CCDC88A: variants seen among roughly 807,000 people sequenced by gnomAD.
CCDC88A encodes the protein girdin.
Under a neutral mutation model 234.3 loss-of-function variants are expected in CCDC88A, and 54 were observed. The observed-to-expected ratio is 0.23, with a 90% CI of 0.19 to 0.29. CCDC88A has a LOEUF of 0.29. Ranked by LOEUF, CCDC88A falls within the 10% of genes least tolerant of loss-of-function variation. CCDC88A has a pLI of 1.00. For synonymous variants in CCDC88A, 753 were observed against 737.8 expected (o/e 1.02, Z -0.33); for missense variants, 1,832 against 2,123.4 (o/e 0.86, Z 2.70).
At chr2:55,418,991 T>C (rs747554620) in intron 1 of CCDC88A, 26 bp downstream of exon 1, 5 of 1,604,908 alleles carry the variant, frequency 3.1e-6, no homozygotes, top group Admixed American at 1.7e-5. Flanking sequence ...CTCAGCAAAA[T>C]ATACAATAAA....
chr2:55,393,210 A>G (rs1275387054), intron 2 of CCDC88A, among the ~76,000 whole-genome samples: 1 of 149,068 alleles, frequency 6.7e-6, no homozygotes, highest in Non-Finnish European at 1.5e-5. Context: ...GCTTTGTGAA[A>G]TGGATTTTTT....
rs538043472 is a variant in CCDC88A at position 55,379,907 on chromosome 2, C to T, written c.274-5024G>A. 3.3e-5 allele frequency among the ~76,000 whole-genome samples: 5 copies of T among 151,110 alleles called. No individual in the cohort carries two copies. In the South Asian group the frequency reaches 1.1e-3, roughly 32 times the overall value. The stretch of plus-strand genomic sequence containing the variant: ...CAGCCAAGGCAACAAGAGTGAAACT[C>T]CGTCTCTAAATAAATAAATAAATAA... On this transcript the variant is annotated intron_variant, in intron 3 of 32. Transcript: ENST00000436346.
chr2:55,379,826 T>C (rs1208965907), intron 3 of CCDC88A, among the ~76,000 whole-genome samples: 1 of 151,990 alleles, frequency 6.6e-6, no homozygotes, highest in East Asian at 1.9e-4. Flanking sequence ...GGCAGGAGAA[T>C]TGCTGGAACT....
At chr2:55,362,105 G>GA (rs1671398247) in intron 7 of CCDC88A, 1 of 412,700 alleles carries the variant, frequency 2.4e-6, no homozygotes, top group Admixed American at 4.5e-5. Flanking sequence ...AAGAAAAGGA[G>GA]AAGAGAAAAC....
chr2:55,365,489 C>A (rs72924917), intron 5 of CCDC88A, among the ~76,000 whole-genome samples: 9,072 of 152,144 alleles, frequency 0.06, 856 homozygotes, highest in African/African-American at 0.2. Flanking sequence ...ATTCAACTGC[C>A]GTATCTTTCT....
At chr2:55,370,577 G>A (rs2104814831) in intron 5 of CCDC88A, among the ~76,000 whole-genome samples, 1 of 145,824 alleles carries the variant, frequency 6.9e-6, no homozygotes, top group East Asian at 2.0e-4. Flanking sequence ...GGAGGCAGAG[G>A]TTGCAGTGAG....
intron 5 of CCDC88A, among the ~76,000 whole-genome samples, chr2:55,366,399 C>T (rs991733293): frequency 6.6e-6 from 1 of 151,800 alleles, no homozygotes; most frequent in Non-Finnish European, 1.5e-5. Context: ...TGGTGGCAGG[C>T]GCCTGTAATC....
intron 7 of CCDC88A, 33 bp from the exon 8 acceptor site, chr2:55,355,784 C>G (rs201924702): frequency 3.2e-6 from 5 of 1,565,358 alleles, no homozygotes; most frequent in Non-Finnish European, 4.4e-6. Context: ...TTTCAGTATT[C>G]TACATATTAG....
rs1679258734 is a variant in CCDC88A, at chr2:55,289,020, T to C, written c.*2180A>G. 1.3e-5 allele frequency: 2 copies of C among 152,632 alleles called. No individual in the cohort carries two copies. The highest frequency in any genetic ancestry group is 1.3e-4 in the Admixed American group (2 of 15,282). The allele number at this position is 152,632 out of a possible 1,614,324, so 9.5% of individuals were successfully genotyped here. ...TGAGATTATTCATATTTTTGTAGTC[T>C]CAATGTGTTCCCTTGGTTGTCTCTT... On this transcript the variant is annotated 3_prime_UTR_variant, in exon 33 of 33. Coordinates refer to ENST00000436346, the MANE Select transcript of CCDC88A (RefSeq NM_001365480.1).
intron 27 of CCDC88A, 86 bp from the exon 28 acceptor site, chr2:55,301,363 G>C: frequency 1.4e-6 from 1 of 708,310 alleles, no homozygotes; most frequent in Non-Finnish European, 2.3e-6. Flanking sequence ...TATGGAAATT[G>C]TTTTTCAATC....
rs188281471 is a variant in CCDC88A at position 55,406,278 on chromosome 2, G to C, written c.164+12538C>G. ...GAAATAAGGAGTTGGGAAAAATTAA[G>C]TTAACCTTCAAATATGAGAAAACTC... On this transcript the variant is annotated intron_variant, in intron 2 of 32. Transcript: ENST00000436346. 2.0e-5 allele frequency: 3 copies of C among 152,128 alleles called. No individual in the cohort carries two copies. In the East Asian group the frequency reaches 5.8e-4, roughly 29 times the overall value. 9.4% of individuals were successfully genotyped at this position (152,128 alleles called of 1,614,324 possible). A position where few individuals can be genotyped will look rare whatever the true frequency, so the allele number is the denominator to read the frequency against.
chr2:55,413,067 G>C (rs1680760160), intron 2 of CCDC88A, among the ~76,000 whole-genome samples: 1 of 152,004 alleles, frequency 6.6e-6, no homozygotes, highest in Admixed American at 6.6e-5. Context: ...AATTAGCCAG[G>C]TGCAGTAGCA....
intron 13 of CCDC88A, chr2:55,337,434 T>C (rs971580333): frequency 6.6e-6 from 1 of 152,206 alleles, no homozygotes. Context: ...GCTAAGACTA[T>C]TGATTTTCCC....
chr2:55,405,359 A>C (rs1190534587), intron 2 of CCDC88A: 1 of 152,104 alleles, frequency 6.6e-6, no homozygotes, highest in African/African-American at 2.4e-5. Context: ...TCACACACCC[A>C]CACAACTCAC....
intron 10 of CCDC88A, among the ~76,000 whole-genome samples, 165 bp from the exon 11 acceptor site, chr2:55,344,679 C>T (rs1215520787): frequency 6.6e-6 from 1 of 152,054 alleles, no homozygotes; most frequent in Non-Finnish European, 1.5e-5. Context: ...TTCCTTTTTA[C>T]CCCAGAATGC....
At chr2:55,412,692 C>T (rs1680694075) in intron 2 of CCDC88A, among the ~76,000 whole-genome samples, 1 of 151,920 alleles carries the variant, frequency 6.6e-6, no homozygotes, top group Non-Finnish European at 1.5e-5. Context: ...GGTTGGGGAC[C>T]GCTGGTCTTG....
At chr2:55,325,138 C>A (rs1008895714) in intron 17 of CCDC88A, among the ~76,000 whole-genome samples, 2 of 152,164 alleles carry the variant, frequency 1.3e-5, no homozygotes, top group Non-Finnish European at 2.9e-5. Context: ...TATGTTGAAT[C>A]AAGAGATCAA....
rs150358729 is a variant in CCDC88A at position 55,372,151 on chromosome 2, G to C, written c.402+301C>G. On this transcript the variant is annotated intron_variant, in intron 5 of 32. Transcript: ENST00000436346. The stretch of plus-strand genomic sequence containing the variant: ...AAATCACAAGGATGTTTTGGGAGCG[G>C]TTTTTAAGGGCACCTCTGAAAAAAC... Among the ~76,000 whole-genome samples the C allele has an allele frequency of 5.9e-5, 9 of 152,052 alleles. No homozygotes were observed. The East Asian group carries it at 1.7e-3, about 29-fold the overall frequency.
intron 13 of CCDC88A, chr2:55,337,031 CT>C: frequency 2.7e-6 from 1 of 368,086 alleles, no homozygotes; most frequent in Non-Finnish European, 4.8e-6. Flanking sequence ...CCTTGTGCAT[CT>C]TTTGGGGTAA....
Sources: allele counts gnomAD v4.1 joint callset (sites outside exome capture counted in the v4.1 genomes callset), GRCh38; gene constraint gnomAD v4.1.1; transcripts MANE v1.5; gene names NCBI Gene and HGNC (gene_info 2026-07-23, HGNC 2026-07-21).